Variants in TFPI observed in about 807,000 individuals in gnomAD.
The protein encoded by TFPI is tissue factor pathway inhibitor, also known as anti-convertin.
TFPI carries 15 observed loss-of-function variants against 34.6 expected under a neutral mutation model. That is an observed-to-expected ratio of 0.43 (90% CI 0.29 to 0.67). The LOEUF (loss-of-function observed/expected upper bound fraction) is 0.67. Among genes scored for constraint, TFPI ranks in the 30% least tolerant of loss-of-function variants. TFPI has a pLI of 0.15. For synonymous variants in TFPI, 105 were observed against 120.1 expected, an observed-to-expected ratio of 0.87 and a Z score of 0.82; for missense variants, 301 against 364.0, an observed-to-expected ratio of 0.83 and a Z score of 1.41.
chr2:187,538,896 A>G (rs1435933093), intron 1 of TFPI, among the ~76,000 whole-genome samples: 1 of 152,194 alleles, frequency 6.6e-6, no homozygotes, highest in Non-Finnish European at 1.5e-5. Context: ...TTGTAGTCTA[A>G]TATTTCAAAA....
chr2:187,476,481 G>A (rs1480090142), intron 6 of TFPI, among the ~76,000 whole-genome samples: 5 of 151,886 alleles, frequency 3.3e-5, no homozygotes, highest in East Asian at 1.9e-4. Flanking sequence ...GTGGGTCTAC[G>A]ATCACAGGCC....
chr2:187,546,625 A>G (rs773110352), intron 1 of TFPI: 14 of 152,166 alleles, frequency 9.2e-5, no homozygotes, highest in Admixed American at 6.5e-5. Context: ...GTATTTCTCT[A>G]TTATAATTAC....
At chr2:187,523,105 G>C (rs1185113421) in intron 1 of TFPI, among the ~76,000 whole-genome samples, 1 of 151,920 alleles carries the variant, frequency 6.6e-6, no homozygotes, top group African/African-American at 2.4e-5. Flanking sequence ...ACATATTACT[G>C]TCTAAAATTT....
chr2:187,480,632 A>T (rs1337443759), intron 6 of TFPI, among the ~76,000 whole-genome samples: 1 of 152,150 alleles, frequency 6.6e-6, no homozygotes, highest in Non-Finnish European at 1.5e-5. Flanking sequence ...GTTTATGCGC[A>T]AAATTGCACA....
chr2:187,537,674 A>G lies in TFPI; in HGVS notation c.-3+16526T>C, dbSNP rs183826496. Reference sequence around the variant, plus strand: ...AGGCAATACCATTCAGGACATAGGCATGGCCGAAGACTTCATCACTAAAAC... The same window carrying G: ...AGGCAATACCATTCAGGACATAGGCGTGGCCGAAGACTTCATCACTAAAAC... On this transcript the variant is annotated intron_variant, in intron 1 of 7. Coordinates refer to ENST00000233156, the MANE Select transcript of TFPI (RefSeq NM_006287.6). Among the ~76,000 whole-genome samples, 50 of 152,248 alleles carry G rather than the reference A, an allele frequency of 3.3e-4. 1 individual carries two copies. Among genetic ancestry groups the G allele is most frequent in the African/African-American group, 1.2e-3 (48 of 41,468 alleles).
At chr2:187,483,711 T>C (rs1368363439) in intron 6 of TFPI, among the ~76,000 whole-genome samples, 1 of 151,962 alleles carries the variant, frequency 6.6e-6, no homozygotes, top group Admixed American at 6.6e-5. Context: ...GTCCTGTGAG[T>C]AACACCAGAG....
intron 1 of TFPI, among the ~76,000 whole-genome samples, chr2:187,521,662 G>A (rs906495342): frequency 6.6e-6 from 1 of 151,962 alleles, no homozygotes; most frequent in Non-Finnish European, 1.5e-5. Flanking sequence ...TCCACCTCCC[G>A]GGTTCAAGTG....
At chr2:187,536,491 T>C (rs566639559) in intron 1 of TFPI, among the ~76,000 whole-genome samples, 3 of 152,286 alleles carry the variant, frequency 2.0e-5, no homozygotes, top group African/African-American at 4.8e-5. Flanking sequence ...AACCACATGA[T>C]TATCTCAATA....
intron 1 of TFPI, among the ~76,000 whole-genome samples, chr2:187,524,573 A>G (rs1211863043): frequency 6.6e-6 from 1 of 152,092 alleles, no homozygotes; most frequent in Non-Finnish European, 1.5e-5. Flanking sequence ...ATAAATTAGA[A>G]TAAACTTTGT....
intron 1 of TFPI, among the ~76,000 whole-genome samples, chr2:187,527,681 GAATA>G (rs1356528068): frequency 6.6e-6 from 1 of 152,058 alleles, no homozygotes; most frequent in Non-Finnish European, 1.5e-5. Flanking sequence ...GCTGTATGCT[GAATA>G]TATACCACAT....
At chr2:187,482,452 A>C (rs1692941906) in intron 6 of TFPI, among the ~76,000 whole-genome samples, 1 of 152,108 alleles carries the variant, frequency 6.6e-6, no homozygotes, top group South Asian at 2.1e-4. Context: ...GAATCACAAA[A>C]GTATTAATTT....
chr2:187,481,524 G>A (rs1201226797), intron 6 of TFPI, among the ~76,000 whole-genome samples: 2 of 151,880 alleles, frequency 1.3e-5, no homozygotes, highest in African/African-American at 2.4e-5. Flanking sequence ...TCGAAATCAC[G>A]TAGGTTTTAA....
intron 2 of TFPI, 83 bp from the exon 3 acceptor site, chr2:187,497,161 T>G: frequency 1.6e-6 from 2 of 1,246,722 alleles, no homozygotes; most frequent in East Asian, 2.6e-5. Context: ...TAATATGTCC[T>G]GATTTTAAGG....
chr2:187,540,945 T>C (rs186195798), intron 1 of TFPI, among the ~76,000 whole-genome samples: 3 of 150,066 alleles, frequency 2.0e-5, no homozygotes, highest in Middle Eastern at 3.4e-3. Context: ...AAACCTTTAA[T>C]TAAAGAGGCA....
At chr2:187,537,335 A>G (rs539739624) in intron 1 of TFPI, among the ~76,000 whole-genome samples, 1 of 152,190 alleles carries the variant, frequency 6.6e-6, no homozygotes, top group Admixed American at 6.5e-5. Context: ...CTGACTTCAA[A>G]CTATACTACA....
At chr2:187,501,728 A>G (rs753271960) in intron 2 of TFPI, among the ~76,000 whole-genome samples, 4 of 152,162 alleles carry the variant, frequency 2.6e-5, no homozygotes, top group Non-Finnish European at 5.9e-5. Context: ...TCTAAATCCT[A>G]CAAAAGATAC....
chr2:187,484,620 C>G (rs1693124510), intron 5 of TFPI, 191 bp downstream of exon 5: 2 of 529,810 alleles, frequency 3.8e-6, no homozygotes, highest in South Asian at 6.3e-5. Context: ...AGTATTAGAT[C>G]TATGAAAATA....
intron 1 of TFPI, among the ~76,000 whole-genome samples, chr2:187,532,606 G>C (rs1434625955): frequency 6.6e-6 from 1 of 152,184 alleles, no homozygotes; most frequent in South Asian, 2.1e-4. Flanking sequence ...ATTCCATCGC[G>C]TGCTTACGCC....
intron 1 of TFPI, among the ~76,000 whole-genome samples, chr2:187,539,914 T>G (rs531093867): frequency 6.6e-6 from 1 of 151,544 alleles, no homozygotes; most frequent in Non-Finnish European, 1.5e-5. Context: ...TTTTTTTTTT[T>G]TTTGAGACGG....
Sources: allele counts gnomAD v4.1 joint callset (sites outside exome capture counted in the v4.1 genomes callset), GRCh38; gene constraint gnomAD v4.1.1; transcripts MANE v1.5; gene names NCBI Gene and HGNC (gene_info 2026-07-23, HGNC 2026-07-21).